The following ZNF827 variants were observed in gnomAD, a reference collection of about 807,000 sequenced individuals.
The protein encoded by ZNF827 is zinc finger protein 827.
In ZNF827, 13 loss-of-function variants were observed where a neutral mutation model predicts 102.4. The observed-to-expected ratio is 0.13, with a 90% CI of 0.08 to 0.20. The LOEUF (loss-of-function observed/expected upper bound fraction) is 0.20. ZNF827 is among the 10% of genes least tolerant of loss of function. The probability of loss-of-function intolerance (pLI) is 1.00; values close to 1 mark genes in which losing one functional copy is unlikely to be tolerated. For missense variants in ZNF827, 1,103 were observed against 1,344.4 expected (o/e 0.82, Z 2.81); for synonymous variants, 523 against 536.2 (o/e 0.98, Z 0.34).
chr4:145,774,510 G>C lies in ZNF827; in HGVS notation c.2856C>G (p.His952Gln), dbSNP rs764678932. Residue 952 changes from histidine to glutamine, a missense_variant, in exon 11 of 15, where the codon CAC becomes CAG. By Grantham distance (24) the His-to-Gln change is conservative. This residue lies in a region of ZNF827 where 242 missense variants were observed against 361.9 expected (regional missense o/e 0.67). Coordinates refer to ENST00000508784, the MANE Select transcript of ZNF827 (RefSeq NM_001306215.2). ...AGGACAGACAGGAATGGTCACCTGT[G>C]TGCTTGGTGCCAATGTGAGTCTTTA... ...AEIKTHIGTKHTGEDRKTPSE... is the reference protein window; with the variant it reads ...AEIKTHIGTKQTGEDRKTPSE... 6.2e-7 allele frequency: 1 copy of C among 1,610,068 alleles called. No homozygotes were observed. The highest frequency in any genetic ancestry group is 8.5e-7 in the Non-Finnish European group (1 of 1,178,088).
intron 7 of ZNF827, among the ~76,000 whole-genome samples, chr4:145,824,382 A>C (rs1743455448): frequency 6.6e-6 from 1 of 152,198 alleles, no homozygotes; most frequent in Non-Finnish European, 1.5e-5. Flanking sequence ...TCCAACCTAG[A>C]AAATGGAAAG....
chr4:145,822,733 A>T (rs1053489173), intron 8 of ZNF827, among the ~76,000 whole-genome samples: 47 of 152,136 alleles, frequency 3.1e-4, no homozygotes, highest in African/African-American at 1.1e-3. Context: ...CGGTTCTCAG[A>T]TGTTCTCATT....
In ZNF827 at chr4:145,885,694, A is replaced by C. The variant is rs1177015774; in HGVS notation, c.1731T>G (p.Phe577Leu). 6.5e-7 allele frequency: 1 copy of C among 1,532,968 alleles called. No individual in the cohort carries two copies. Among genetic ancestry groups the C allele is most frequent in the Non-Finnish European group, 8.8e-7 (1 of 1,142,420 alleles). 95.0% of individuals were successfully genotyped at this position (1,532,968 alleles called of 1,614,324 possible). A position where few individuals can be genotyped will look rare whatever the true frequency, so the allele number is the denominator to read the frequency against. ...TTCAAGTACCTGACAGCTTCATGAG[A>C]AAATCAGACGCCATCTTAACAGAGA... The part of the protein sequence containing the change: ...QDISVKMASD[F>L]LMKLSAANQK... Residue 577 changes from phenylalanine to leucine, a missense_variant, in exon 4 of 15, where the codon TTT (phenylalanine) becomes TTG (leucine). By Grantham distance (22) the Phe-to-Leu change is conservative. Coordinates refer to ENST00000508784, the MANE Select transcript of ZNF827 (RefSeq NM_001306215.2).
At chr4:145,928,245 C>G (rs951053371) in intron 1 of ZNF827, among the ~76,000 whole-genome samples, 3 of 152,148 alleles carry the variant, frequency 2.0e-5, no homozygotes, top group African/African-American at 7.2e-5. Flanking sequence ...CGGGATTAAG[C>G]AAATGAATCA....
At chr4:145,808,783 T>C (rs908995477) in intron 8 of ZNF827, among the ~76,000 whole-genome samples, 1 of 152,182 alleles carries the variant, frequency 6.6e-6, no homozygotes, top group Non-Finnish European at 1.5e-5. Context: ...GTCACAGTTA[T>C]GTATTTGCTT....
Position 145,762,477 on chromosome 4 carries a change from C to A in ZNF827, c.*17+613G>T, listed in dbSNP as rs1734686332. Among the ~76,000 whole-genome samples the A allele has an allele frequency of 6.6e-6, 1 of 152,192 alleles. No homozygotes were observed. The highest frequency in any genetic ancestry group is 2.1e-4 in the South Asian group (1 of 4,822). ...TCTTACATTTCCTCTGCATTCTCTG[C>A]AGTGCTTGGTAGAGTACTTAACACA... On this transcript the variant is annotated intron_variant, in intron 14 of 14. Coordinates refer to ENST00000508784, the MANE Select transcript of ZNF827 (RefSeq NM_001306215.2). The surrounding 1 kb of genome is among the most constrained non-coding windows in gnomAD (Gnocchi z 4.9).
At position 145,878,559 on chromosome 4, in the gene ZNF827, A is replaced by AGACAGGACAG. The variant is rs1215402706; in HGVS notation, c.1747+7109_1747+7118dup. Among the ~76,000 whole-genome samples, 111 of 123,818 alleles carry AGACAGGACAG rather than the reference A, an allele frequency of 9.0e-4. 1 individual carries two copies. Among genetic ancestry groups the AGACAGGACAG allele is most frequent in the Non-Finnish European group, 1.2e-3 (70 of 58,628 alleles). The allele number at this position is 123,818 out of a possible 152,430, so 81.2% of individuals were successfully genotyped here. ...CTCATCTCGAAAGAAAAAAAAGACAAGACAGGACAGGACAGGACAGGACAG... is the reference window on the plus strand; with the variant it reads ...CTCATCTCGAAAGAAAAAAAAGACAAGACAGGACAGGACAGGACAGGACAGGACAGGACAG... On this transcript the variant is annotated intron_variant, in intron 4 of 14. Coordinates refer to ENST00000508784, the MANE Select transcript of ZNF827 (RefSeq NM_001306215.2).
chr4:145,793,286 TA>T (rs1739972351), intron 8 of ZNF827, among the ~76,000 whole-genome samples: 2 of 133,890 alleles, frequency 1.5e-5, no homozygotes, highest in Non-Finnish European at 3.1e-5. Context: ...ATATAATATA[TA>T]TATGATATAT....
chr4:145,935,884 A>T (rs1285229170), intron 1 of ZNF827, among the ~76,000 whole-genome samples: 1 of 152,186 alleles, frequency 6.6e-6, no homozygotes, highest in Non-Finnish European at 1.5e-5. Flanking sequence ...CGACTGCACT[A>T]CACACAAGAG....
intron 5 of ZNF827, among the ~76,000 whole-genome samples, chr4:145,853,886 G>A (rs1438080724): frequency 6.6e-6 from 1 of 151,976 alleles, no homozygotes; most frequent in African/African-American, 2.4e-5. Flanking sequence ...GATCATCTGA[G>A]CCTGGGAGGT....
At chr4:145,910,820 G>A (rs771087868) in intron 1 of ZNF827, among the ~76,000 whole-genome samples, 2 of 152,110 alleles carry the variant, frequency 1.3e-5, no homozygotes, top group African/African-American at 2.4e-5. Flanking sequence ...CAGGGCCTTT[G>A]CAATTGCTCT....
chr4:145,858,134 AGTGTGT>A (rs10553157), intron 5 of ZNF827, among the ~76,000 whole-genome samples: 10,652 of 147,000 alleles, frequency 0.072, 746 homozygotes, highest in East Asian at 0.36. Context: ...TGCATGTGTG[AGTGTGT>A]GTGTGTGTGT....
At chr4:145,921,237 A>G (rs1414347175) in intron 1 of ZNF827, among the ~76,000 whole-genome samples, 1 of 152,230 alleles carries the variant, frequency 6.6e-6, no homozygotes, top group East Asian at 1.9e-4. Flanking sequence ...AGTACGAATA[A>G]AACAAGGAGT....
At chr4:145,856,682 T>C (rs866081725) in intron 5 of ZNF827, among the ~76,000 whole-genome samples, 25 of 141,774 alleles carry the variant, frequency 1.8e-4, no homozygotes, top group Non-Finnish European at 3.1e-4. Flanking sequence ...AGTACACACA[T>C]ACACACACAC....
At chr4:145,934,055 C>A (rs1753989077) in intron 1 of ZNF827, among the ~76,000 whole-genome samples, 1 of 152,072 alleles carries the variant, frequency 6.6e-6, no homozygotes, top group African/African-American at 2.4e-5. Flanking sequence ...TAGTATTGGA[C>A]CTTGTTAATG....
intron 8 of ZNF827, among the ~76,000 whole-genome samples, chr4:145,801,000 G>A (rs6854834): frequency 0.17 from 26,562 of 152,128 alleles, 3,318 homozygotes; most frequent in East Asian, 0.67. Flanking sequence ...CAAAGAGCAT[G>A]AGCTAATTCT....
At chr4:145,764,294 C>T (rs1734950915) in intron 13 of ZNF827, among the ~76,000 whole-genome samples, 1 of 152,168 alleles carries the variant, frequency 6.6e-6, no homozygotes, top group Non-Finnish European at 1.5e-5. Context: ...CTAGGACATA[C>T]ATTTCTTGAG....
At chr4:145,904,128 GA>G (rs1321359839) in intron 1 of ZNF827, among the ~76,000 whole-genome samples, 1 of 152,146 alleles carries the variant, frequency 6.6e-6, no homozygotes, top group Non-Finnish European at 1.5e-5. Context: ...GGGCATTCAT[GA>G]GCCCTGCCAC....
chr4:145,847,855 T>G (rs187454392), intron 6 of ZNF827, among the ~76,000 whole-genome samples: 1 of 152,308 alleles, frequency 6.6e-6, no homozygotes, highest in East Asian at 1.9e-4. Context: ...GTACTGCTAG[T>G]CTGAAGCCAC....
Sources: allele counts gnomAD v4.1 joint callset (sites outside exome capture counted in the v4.1 genomes callset), GRCh38; gene constraint gnomAD v4.1.1; regional missense constraint gnomAD v4.1.1; non-coding constraint Gnocchi (gnomAD v3.1); transcripts MANE v1.5; gene names NCBI Gene and HGNC (gene_info 2026-07-23, HGNC 2026-07-21).